The following NSL1 variants were observed in gnomAD, a reference collection of about 807,000 sequenced individuals.
NSL1 encodes NSL1 component of MIS12 kinetochore complex, also known as kinetochore-associated protein NSL1 homolog.
NSL1 carries 11 observed loss-of-function variants against 25.4 expected under a neutral mutation model. That is an observed-to-expected ratio of 0.43 (90% CI 0.27 to 0.72). The LOEUF (loss-of-function observed/expected upper bound fraction) is 0.72, where lower values mean the gene tolerates loss of function less well. NSL1 is among the 30% of genes least tolerant of loss of function. NSL1 has a pLI of 0.19. For missense variants in NSL1, 330 were observed against 342.7 expected, an observed-to-expected ratio of 0.96 and a Z score of 0.29; for synonymous variants, 118 against 120.6, an observed-to-expected ratio of 0.98 and a Z score of 0.14.
At position 212,731,275 on chromosome 1, in the gene NSL1, G is replaced by C; in HGVS notation, c.*7133C>G. On this transcript the variant is annotated 3_prime_UTR_variant, in exon 6 of 6. Transcript: ENST00000366977. ...TCTTATCTGAAATATACTGTGATAG[G>C]CCAGGTGCAGTGGCTCATTCCTGTA... The C allele has an allele frequency of 1.0e-6, 1 of 985,106 alleles. No homozygotes were observed. The highest frequency in any genetic ancestry group is 1.2e-6 in the Non-Finnish European group (1 of 829,838). The allele number at this position is 985,106 out of a possible 1,614,324, so 61.0% of individuals were successfully genotyped here. A position where few individuals can be genotyped will look rare whatever the true frequency, so the allele number is the denominator to read the frequency against.
At chr1:212,749,815 T>C (rs934158113) in intron 4 of NSL1, among the ~76,000 whole-genome samples, 11 of 151,744 alleles carry the variant, frequency 7.2e-5, no homozygotes, top group Non-Finnish European at 1.3e-4. Flanking sequence ...TAAGAGTAGT[T>C]TGGGTTTGTG....
At position 212,782,497 on chromosome 1, in the gene NSL1, T is replaced by C. The variant is rs1386137506; in HGVS notation, c.445-71A>G. On this transcript the variant is annotated intron_variant, in intron 3 of 5. Coordinates refer to ENST00000366977, the MANE Select transcript of NSL1 (RefSeq NM_015471.4). ...ATATAAACATCTCTTTCAGCTAATATGGGAGATATACTATAGAGTCAGTAC... is the reference window on the plus strand; with the variant it reads ...ATATAAACATCTCTTTCAGCTAATACGGGAGATATACTATAGAGTCAGTAC... The C allele has an allele frequency of 9.5e-6, 10 of 1,054,962 alleles. No individual in the cohort carries two copies. The South Asian group carries it at 1.0e-4, about 11-fold the overall frequency. The allele number at this position is 1,054,962 out of a possible 1,614,324, so 65.4% of individuals were successfully genotyped here.
chr1:212,777,435 C>T (rs1660425575), intron 4 of NSL1, among the ~76,000 whole-genome samples: 1 of 151,990 alleles, frequency 6.6e-6, no homozygotes, highest in African/African-American at 2.4e-5. Context: ...GTTAGTCCCC[C>T]TGTAAAGGAA....
Position 212,738,165 on chromosome 1 carries a change from A to C in NSL1, c.*243T>G. On this transcript the variant is annotated 3_prime_UTR_variant, in exon 6 of 6. Transcript: ENST00000366977. Reference sequence around the variant, plus strand: ...AAAAGTCTGCACTTTTAATATTTTTAATGCCCACTGATGGGCTTTGTGTCA... The same window carrying C: ...AAAAGTCTGCACTTTTAATATTTTTCATGCCCACTGATGGGCTTTGTGTCA... 1 of 1,191,430 alleles carries C rather than the reference A, an allele frequency of 8.4e-7. No individual in the cohort carries two copies. The highest frequency in any genetic ancestry group is 1.0e-6 in the Non-Finnish European group (1 of 960,876). The allele number at this position is 1,191,430 out of a possible 1,614,324, so 73.8% of individuals were successfully genotyped here.
chr1:212,768,861 A>C (rs993065529), intron 4 of NSL1, among the ~76,000 whole-genome samples: 11 of 152,154 alleles, frequency 7.2e-5, no homozygotes, highest in African/African-American at 2.7e-4. Context: ...GTGACCCAAA[A>C]ACTATTGAAA....
At chr1:212,752,223 G>A (rs1558045773) in intron 4 of NSL1, among the ~76,000 whole-genome samples, 2 of 152,204 alleles carry the variant, frequency 1.3e-5, no homozygotes, top group African/African-American at 2.4e-5. Context: ...TAATAAGCCT[G>A]TAAAGGGTTG....
At position 212,765,374 on chromosome 1, in the gene NSL1, A is replaced by T. The variant is rs537523610; in HGVS notation, c.499+16998T>A. 3.2e-4 allele frequency among the ~76,000 whole-genome samples: 49 copies of T among 152,354 alleles called. No individual in the cohort carries two copies. The South Asian group carries it at 8.1e-3, about 25-fold the overall frequency. ...TAACCAAATCCAACAGCATGTCAAA[A>T]AGATAATACATCATGATCAAGTGGG... is the stretch of plus-strand genomic sequence containing the variant. On this transcript the variant is annotated intron_variant, in intron 4 of 5. Transcript: ENST00000366977.
At chr1:212,756,406 G>A (rs1027827032) in intron 4 of NSL1, among the ~76,000 whole-genome samples, 10 of 152,126 alleles carry the variant, frequency 6.6e-5, no homozygotes, top group Non-Finnish European at 1.3e-4. Flanking sequence ...CACTGCATCC[G>A]GCCGACTTTG....
rs1253700782 is a variant in NSL1, at chr1:212,732,893, A to G, written c.*5515T>C. On this transcript the variant is annotated 3_prime_UTR_variant, in exon 6 of 6. Transcript: ENST00000366977. ...AGGTTGTATATCATTTATGCTGAGAATATTTCTCCAGATGCTTCTAGATTT... is the reference window on the plus strand; with the variant it reads ...AGGTTGTATATCATTTATGCTGAGAGTATTTCTCCAGATGCTTCTAGATTT... 2.0e-5 allele frequency among the ~76,000 whole-genome samples: 3 copies of G among 152,188 alleles called. No individual in the cohort carries two copies. Among genetic ancestry groups the G allele is most frequent in the African/African-American group, 7.2e-5 (3 of 41,442 alleles).
chr1:212,735,837 A>G lies in NSL1; in HGVS notation c.*2571T>C. 3.3e-6 allele frequency: 2 copies of G among 598,264 alleles called. No individual in the cohort carries two copies. The highest frequency in any genetic ancestry group is 4.2e-6 in the Non-Finnish European group (2 of 476,334). The allele number at this position is 598,264 out of a possible 1,614,324, so 37.1% of individuals were successfully genotyped here. ...AAGTCGGGAAGACAGCCCTCACCAGAAACTGCATTTGCCAGCACCTTCTCA... is the reference window on the plus strand; with the variant it reads ...AAGTCGGGAAGACAGCCCTCACCAGGAACTGCATTTGCCAGCACCTTCTCA... On this transcript the variant is annotated 3_prime_UTR_variant, in exon 6 of 6. Coordinates refer to ENST00000366977, the MANE Select transcript of NSL1 (RefSeq NM_015471.4).
At chr1:212,765,937 C>T (rs188808789) in intron 4 of NSL1, among the ~76,000 whole-genome samples, 1 of 152,108 alleles carries the variant, frequency 6.6e-6, no homozygotes, top group Non-Finnish European at 1.5e-5. Flanking sequence ...GAGATTGAGA[C>T]CATCCTGGCC....
chr1:212,729,097 CCAGT>C lies in NSL1; in HGVS notation c.*9307_*9310del. On this transcript the variant is annotated 3_prime_UTR_variant, in exon 6 of 6. Coordinates refer to ENST00000366977, the MANE Select transcript of NSL1 (RefSeq NM_015471.4). ...AAATTGCAGTAAGTGTTAAAACTTG[CCAGT>C]CAATTACAGGAATATATTAGTGTTC... The C allele has an allele frequency of 1.0e-6, 1 of 985,354 alleles. No individual in the cohort carries two copies. Among genetic ancestry groups the C allele is most frequent in the Non-Finnish European group, 1.2e-6 (1 of 829,904 alleles). 61.0% of individuals were successfully genotyped at this position (985,354 alleles called of 1,614,324 possible). A position where few individuals can be genotyped will look rare whatever the true frequency, so the allele number is the denominator to read the frequency against.
chr1:212,730,306 G>T lies in NSL1; in HGVS notation c.*8102C>A. 1.0e-5 allele frequency: 10 copies of T among 975,748 alleles called. No homozygotes were observed. The highest frequency in any genetic ancestry group is 1.2e-5 in the Non-Finnish European group (10 of 823,654). The allele number at this position is 975,748 out of a possible 1,614,324, so 60.4% of individuals were successfully genotyped here. A position where few individuals can be genotyped will look rare whatever the true frequency, so the allele number is the denominator to read the frequency against. ...TCAGGTATTTATGGACTGGTGAAGA[G>T]TTGTGTGGAGGGTGGCATTCCCATC... On this transcript the variant is annotated 3_prime_UTR_variant, in exon 6 of 6. Coordinates refer to ENST00000366977, the MANE Select transcript of NSL1 (RefSeq NM_015471.4).
Position 212,784,475 on chromosome 1 carries a change from A to G in NSL1, c.332T>C (p.Leu111Pro), listed in dbSNP as rs974505335. The G allele has an allele frequency of 1.9e-6, 3 of 1,561,130 alleles. No individual in the cohort carries two copies. The highest frequency in any genetic ancestry group is 2.6e-6 in the Non-Finnish European group (3 of 1,145,492). The part of the protein sequence containing the change: ...NCFMDSDIKV[L>P]EDQFDEIIVD... ...TATGATTTCATCAAACTGATCTTCAAGTACTTTGATGTCAGAATCTATTTG... is the reference window on the plus strand; with the variant it reads ...TATGATTTCATCAAACTGATCTTCAGGTACTTTGATGTCAGAATCTATTTG... The change falls in exon 3 of 6, where the codon CTT becomes CCT. Residue 111 changes from leucine (L) to proline (P), a missense_variant. Transcript: ENST00000366977.
At chr1:212,786,457 T>C (rs1571925140) in intron 2 of NSL1, among the ~76,000 whole-genome samples, 1 of 152,020 alleles carries the variant, frequency 6.6e-6, no homozygotes, top group African/African-American at 2.4e-5. Flanking sequence ...AAATCTTTTT[T>C]GTAGAGAGGA....
rs10717383 is a variant in NSL1 at position 212,749,339 on chromosome 1, GTTTTTTTTTTTTT to G, written c.500-9751_500-9739del. ...CTTAAGGGATTTTGCGTTTTATTGT[GTTTTTTTTTTTTT>G]TTTTTTTTTTGAGACAGGGTCTCGA... On this transcript the variant is annotated intron_variant, in intron 4 of 5. Transcript: ENST00000366977. 1.7e-4 allele frequency among the ~76,000 whole-genome samples: 13 copies of G among 76,948 alleles called. 1 individual carries two copies. In the East Asian group the frequency reaches 2.8e-3, roughly 16 times the overall value. 50.5% of individuals were successfully genotyped at this position (76,948 alleles called of 152,430 possible). A position where few individuals can be genotyped will look rare whatever the true frequency, so the allele number is the denominator to read the frequency against.
intron 1 of NSL1, among the ~76,000 whole-genome samples, chr1:212,788,326 T>C (rs923205355): frequency 6.6e-6 from 1 of 152,168 alleles, no homozygotes; most frequent in Non-Finnish European, 1.5e-5. Flanking sequence ...GGCTAGAGGA[T>C]TACTTGAGCC....
At chr1:212,779,479 C>T (rs1381631550) in intron 4 of NSL1, among the ~76,000 whole-genome samples, 28 of 126,288 alleles carry the variant, frequency 2.2e-4, no homozygotes, top group Non-Finnish European at 3.1e-4. Flanking sequence ...CCCCTCTGCA[C>T]GGCCAGCCGC....
At chr1:212,779,846 C>CTG (rs1317439126) in intron 4 of NSL1, among the ~76,000 whole-genome samples, 3 of 147,444 alleles carry the variant, frequency 2.0e-5, no homozygotes, top group Admixed American at 1.3e-4. Flanking sequence ...GGTCAGCCCC[C>CTG]CGCCCGACCA....
Sources: allele counts gnomAD v4.1 joint callset (sites outside exome capture counted in the v4.1 genomes callset), GRCh38; gene constraint gnomAD v4.1.1; transcripts MANE v1.5; gene names NCBI Gene and HGNC (gene_info 2026-07-23, HGNC 2026-07-21).